The following SYN3 variants were observed in gnomAD, a reference collection of about 807,000 sequenced individuals.
SYN3 encodes the protein synapsin-3.
Under a neutral mutation model 65.8 loss-of-function variants are expected in SYN3, and 35 were observed. The ratio of observed to expected loss-of-function variants is 0.53; its 90% CI spans 0.41 to 0.70. The LOEUF (loss-of-function observed/expected upper bound fraction) is 0.70. Among genes scored for constraint, SYN3 ranks in the 30% least tolerant of loss-of-function variants. The pLI, the probability that SYN3 is intolerant of heterozygous loss-of-function variation, is 0.00. For synonymous variants in SYN3, 270 were observed against 292.9 expected, an observed-to-expected ratio of 0.92 and a Z score of 0.80; for missense variants, 680 against 749.0, an observed-to-expected ratio of 0.91 and a Z score of 1.08.
chr22:32,858,314 C>T (rs1351505815), intron 6 of SYN3, among the ~76,000 whole-genome samples: 1 of 152,166 alleles, frequency 6.6e-6, no homozygotes, highest in Non-Finnish European at 1.5e-5. Context: ...CCAGGTGGGG[C>T]AGTGAGGAAG....
chr22:32,757,454 C>T (rs1354312990), intron 6 of SYN3, among the ~76,000 whole-genome samples: 4 of 152,080 alleles, frequency 2.6e-5, no homozygotes, highest in African/African-American at 9.7e-5. Context: ...TGCGCCACCA[C>T]GCCCAGCTAA....
chr22:32,631,155 C>T (rs1331038604), intron 6 of SYN3, among the ~76,000 whole-genome samples: 2 of 151,924 alleles, frequency 1.3e-5, no homozygotes, highest in Non-Finnish European at 2.9e-5. Flanking sequence ...ATTAACTGGG[C>T]GTGGTGGCAT....
chr22:32,872,114 T>G (rs2048866329), intron 4 of SYN3, among the ~76,000 whole-genome samples: 5 of 152,202 alleles, frequency 3.3e-5, no homozygotes, highest in Admixed American at 3.3e-4. Context: ...CTATTTTCTT[T>G]ATTCATGGCT....
intron 1 of SYN3, among the ~76,000 whole-genome samples, chr22:33,045,048 G>A (rs2054035777): frequency 6.6e-6 from 1 of 152,096 alleles, no homozygotes; most frequent in South Asian, 2.1e-4. Context: ...TCTCCATGTT[G>A]GTCAGGCTGT....
intron 6 of SYN3, among the ~76,000 whole-genome samples, chr22:32,655,820 A>C (rs2060134638): frequency 6.6e-6 from 1 of 152,170 alleles, no homozygotes; most frequent in Non-Finnish European, 1.5e-5. Context: ...TGCACAATAA[A>C]TGTAATGTGC....
intron 6 of SYN3, among the ~76,000 whole-genome samples, chr22:32,780,951 T>TTCCTTCCTTCCG (rs2046034703): frequency 1.3e-5 from 1 of 76,172 alleles, no homozygotes; most frequent in African/African-American, 4.0e-5. Context: ...CCTTCCTTCC[T>TTCCTTCCTTCCG]TCCTTCCTTC....
chr22:32,924,423 C>T (rs1344843796), intron 4 of SYN3, among the ~76,000 whole-genome samples: 2 of 152,182 alleles, frequency 1.3e-5, no homozygotes, highest in East Asian at 3.9e-4. Context: ...GTCCCTGAAC[C>T]CAGGCCTTTA....
intron 3 of SYN3, among the ~76,000 whole-genome samples, chr22:32,953,784 C>T (rs1304748620): frequency 2.6e-5 from 4 of 152,242 alleles, no homozygotes; most frequent in East Asian, 1.9e-4. Flanking sequence ...ATCATCTCCA[C>T]TATTGTCAAG....
chr22:32,926,776 A>T (rs1032852756), intron 4 of SYN3, among the ~76,000 whole-genome samples: 1 of 152,208 alleles, frequency 6.6e-6, no homozygotes, highest in Non-Finnish European at 1.5e-5. Flanking sequence ...TACACTGGTG[A>T]CACAAATATT....
intron 6 of SYN3, among the ~76,000 whole-genome samples, chr22:32,846,804 G>A (rs565929612): frequency 6.6e-6 from 1 of 152,358 alleles, no homozygotes; most frequent in Admixed American, 6.5e-5. Context: ...AAGAGCCCCA[G>A]AGAGATCATA....
intron 7 of SYN3, among the ~76,000 whole-genome samples, chr22:32,591,145 C>T (rs1045768445): frequency 1.1e-4 from 16 of 152,126 alleles, no homozygotes; most frequent in Non-Finnish European, 2.2e-4. Flanking sequence ...GGTCTCACAA[C>T]TATTAGGTGG....
chr22:32,567,579 A>G (rs1360367405), intron 7 of SYN3, among the ~76,000 whole-genome samples: 1 of 152,188 alleles, frequency 6.6e-6, no homozygotes, highest in Non-Finnish European at 1.5e-5. Flanking sequence ...TAGCTAAAAA[A>G]TTGGGATGGA....
chr22:32,713,605 C>A (rs1033633526), intron 6 of SYN3, among the ~76,000 whole-genome samples: 2 of 152,020 alleles, frequency 1.3e-5, no homozygotes, highest in African/African-American at 2.4e-5. Context: ...CCGAGGCGGG[C>A]GGATCACAAG....
intron 13 of SYN3, 131 bp from the exon 14 acceptor site, chr22:32,513,955 C>T: frequency 8.8e-7 from 1 of 1,133,622 alleles, no homozygotes; most frequent in Non-Finnish European, 1.2e-6. Flanking sequence ...AGAAACCAGG[C>T]ATTCCAATGC....
At chr22:32,670,996 G>A (rs1214473868) in intron 6 of SYN3, among the ~76,000 whole-genome samples, 1 of 152,184 alleles carries the variant, frequency 6.6e-6, no homozygotes, top group African/African-American at 2.4e-5. Context: ...GTGGTGGACC[G>A]GGTGGAAGTC....
chr22:32,992,162 C>A lies in SYN3; in HGVS notation c.312-11460G>T, dbSNP rs5994651. On this transcript the variant is annotated intron_variant, in intron 2 of 13. Transcript: ENST00000358763. ...GAAACTCCTCAGACTTTGCCCAAGG[C>A]AAGGGCATGAGAAGTGATAGAGAAG... is the stretch of plus-strand genomic sequence containing the variant. Among the ~76,000 whole-genome samples the A allele has an allele frequency of 8.4e-3, 1,279 of 152,352 alleles. 17 individuals carry two copies. The highest frequency in any genetic ancestry group is 0.029 in the African/African-American group (1,221 of 41,580).
At chr22:32,957,085 G>A (rs536207433) in intron 3 of SYN3, among the ~76,000 whole-genome samples, 1 of 152,308 alleles carries the variant, frequency 6.6e-6, no homozygotes, top group East Asian at 1.9e-4. Context: ...CTTTGGCTAT[G>A]GCTTGGAGTG....
At chr22:32,639,010 G>C (rs2059858021) in intron 6 of SYN3, among the ~76,000 whole-genome samples, 2 of 152,110 alleles carry the variant, frequency 1.3e-5, no homozygotes. Flanking sequence ...CTGGAGTGCA[G>C]TGGCGCGATC....
intron 6 of SYN3, among the ~76,000 whole-genome samples, chr22:32,667,798 C>CTTTTTTTT (rs759464712): frequency 1.4e-5 from 2 of 139,132 alleles, no homozygotes; most frequent in Non-Finnish European, 3.1e-5. Context: ...TTCTTTCTTT[C>CTTTTTTTT]TTTTTTTTTT....
Sources: gnomAD v4.1 joint callset for allele counts (sites outside exome capture counted in the v4.1 genomes callset) on GRCh38, gnomAD v4.1.1 for gene constraint, MANE v1.5 for transcripts, NCBI Gene and HGNC (gene_info 2026-07-23, HGNC 2026-07-21) for gene names.